The following MNS1 variants were observed in gnomAD, a reference collection of about 807,000 sequenced individuals.
The protein encoded by MNS1 is meiosis specific nuclear structural 1.
In MNS1, 63 loss-of-function variants were observed where a neutral mutation model predicts 72.0. The ratio of observed to expected loss-of-function variants is 0.87; its 90% CI spans 0.71 to 1.08. The LOEUF (loss-of-function observed/expected upper bound fraction) is 1.08, where lower values mean the gene tolerates loss of function less well. Ranked by LOEUF, MNS1 falls within the 50% of genes least tolerant of loss-of-function variation. MNS1 has a pLI of 0.00. For synonymous variants in MNS1, 188 were observed against 172.1 expected (o/e 1.09, Z -0.72); for missense variants, 604 against 562.4 (o/e 1.07, Z -0.75).
chr15:56,434,074 G>T, intron 8 of MNS1, 64 bp downstream of exon 8: 1 of 1,503,078 alleles, frequency 6.7e-7, no homozygotes, highest in African/African-American at 1.4e-5. Context: ...ATGTTTAGTG[G>T]ATGATAGATG....
At chr15:56,450,409 T>C (rs1280145520) in intron 3 of MNS1, among the ~76,000 whole-genome samples, 1 of 152,152 alleles carries the variant, frequency 6.6e-6, no homozygotes, top group Non-Finnish European at 1.5e-5. Context: ...TCTTAAACGA[T>C]AACTCCCCAT....
intron 9 of MNS1, among the ~76,000 whole-genome samples, chr15:56,430,849 C>T (rs188401962): frequency 1.3e-5 from 2 of 152,284 alleles, no homozygotes; most frequent in East Asian, 3.9e-4. Flanking sequence ...AGATTTCCTA[C>T]ACTAAAAGGG....
chr15:56,449,481 T>C lies in MNS1; in HGVS notation c.354-2538A>G, dbSNP rs911372726. Among the ~76,000 whole-genome samples the C allele has an allele frequency of 3.3e-5, 5 of 152,318 alleles. No individual in the cohort carries two copies. The Middle Eastern group carries it at 0.01, about 311-fold the overall frequency. On this transcript the variant is annotated intron_variant, in intron 3 of 9. Coordinates refer to ENST00000260453, the MANE Select transcript of MNS1 (RefSeq NM_018365.4). ...TGGTCAGGATGATTTATCTTTCTTA[T>C]ACAGCACTGGATTTCGTATTGACTA...
chr15:56,456,875 G>C (rs2050984974), intron 2 of MNS1, among the ~76,000 whole-genome samples: 1 of 151,760 alleles, frequency 6.6e-6, no homozygotes, highest in African/African-American at 2.4e-5. Context: ...TAGACATCAT[G>C]TCACTTACCA....
intron 2 of MNS1, among the ~76,000 whole-genome samples, chr15:56,462,068 G>T (rs1309407735): frequency 2.1e-5 from 3 of 141,114 alleles, no homozygotes; most frequent in Admixed American, 7.6e-5. Flanking sequence ...GCGGTGGCAA[G>T]ATCATAGCTC....
chr15:56,444,682 A>G lies in MNS1; in HGVS notation c.457-9T>C. Reference sequence around the variant, plus strand: ...ATTTCAGCATCACGTTTCTGTTATTAAAACAAAATTGATCTTTCCGTTTTC... The same window carrying G: ...ATTTCAGCATCACGTTTCTGTTATTGAAACAAAATTGATCTTTCCGTTTTC... On this transcript the variant is annotated splice_polypyrimidine_tract_variant and intron_variant, in intron 4 of 9. Transcript: ENST00000260453. 2 of 1,602,996 alleles carry G rather than the reference A, an allele frequency of 1.2e-6. No homozygotes were observed. The highest frequency in any genetic ancestry group is 2.2e-5 in the South Asian group (2 of 89,884).
At chr15:56,443,278 CT>C in intron 7 of MNS1, 151 bp downstream of exon 7, 1 of 497,536 alleles carries the variant, frequency 2.0e-6, no homozygotes, top group Non-Finnish European at 3.3e-6. Context: ...TTTTAGCCAG[CT>C]TGAAAATTTC....
chr15:56,443,091 G>C (rs2050847014), intron 7 of MNS1, among the ~76,000 whole-genome samples: 1 of 152,080 alleles, frequency 6.6e-6, no homozygotes, highest in Non-Finnish European at 1.5e-5. Context: ...AGTTGACTTT[G>C]TCTCATATTA....
chr15:56,452,593 A>C (rs1369122743), intron 3 of MNS1, among the ~76,000 whole-genome samples: 1 of 148,384 alleles, frequency 6.7e-6, no homozygotes, highest in Admixed American at 6.8e-5. Flanking sequence ...ATCTTGGCTC[A>C]CTGCAAGCTC....
At chr15:56,461,550 A>G (rs763829352) in intron 2 of MNS1, among the ~76,000 whole-genome samples, 4 of 150,428 alleles carry the variant, frequency 2.7e-5, no homozygotes, top group Non-Finnish European at 4.4e-5. Context: ...AATCTCAGCT[A>G]CTTGGGAGGC....
chr15:56,438,874 A>G (rs1171663184), intron 7 of MNS1, among the ~76,000 whole-genome samples: 1 of 152,216 alleles, frequency 6.6e-6, no homozygotes, highest in Non-Finnish European at 1.5e-5. Context: ...TATGCAGCCA[A>G]CAGACAAGAA....
At chr15:56,436,070 A>G (rs1436325849) in intron 7 of MNS1, among the ~76,000 whole-genome samples, 1 of 152,150 alleles carries the variant, frequency 6.6e-6, no homozygotes, top group Admixed American at 6.6e-5. Flanking sequence ...AACCAAGGAT[A>G]TCCAGGAATT....
chr15:56,456,123 T>C (rs1300167591), intron 3 of MNS1, among the ~76,000 whole-genome samples: 3 of 152,134 alleles, frequency 2.0e-5, no homozygotes, highest in South Asian at 2.1e-4. Flanking sequence ...TAGGAATTCA[T>C]TTTTTATAAG....
chr15:56,434,463 A>ATAT, intron 7 of MNS1, 68 bp from the exon 8 acceptor site: 2 of 1,469,252 alleles, frequency 1.4e-6, no homozygotes, highest in Non-Finnish European at 1.8e-6. Context: ...GGAAAGAGTG[A>ATAT]TAGAGTTTGG....
At chr15:56,441,614 A>G (rs1344223089) in intron 7 of MNS1, among the ~76,000 whole-genome samples, 1 of 152,246 alleles carries the variant, frequency 6.6e-6, no homozygotes, top group Admixed American at 6.5e-5. Context: ...TCAACAGAAT[A>G]AACAGACAAC....
At chr15:56,449,965 C>T (rs897042889) in intron 3 of MNS1, among the ~76,000 whole-genome samples, 17 of 152,122 alleles carry the variant, frequency 1.1e-4, no homozygotes, top group African/African-American at 3.6e-4. Flanking sequence ...ACCAAGGGGT[C>T]GTCAATTTTA....
chr15:56,455,525 A>C (rs959360867), intron 3 of MNS1, among the ~76,000 whole-genome samples: 31 of 152,194 alleles, frequency 2.0e-4, no homozygotes, highest in Non-Finnish European at 3.1e-4. Flanking sequence ...CGTCCTGCTC[A>C]ATTAAGATAA....
chr15:56,438,127 T>C (rs2050759661), intron 7 of MNS1, among the ~76,000 whole-genome samples: 1 of 152,126 alleles, frequency 6.6e-6, no homozygotes, highest in Non-Finnish European at 1.5e-5. Flanking sequence ...TTAAAATTCA[T>C]ATGGAACCAA....
intron 1 of MNS1, among the ~76,000 whole-genome samples, 168 bp from the exon 2 acceptor site, chr15:56,464,415 A>T (rs977970838): frequency 6.6e-6 from 1 of 152,250 alleles, no homozygotes; most frequent in Admixed American, 6.5e-5. Context: ...ATGTTCACAT[A>T]TCGATTAAAT....
Sources: gnomAD v4.1 joint callset for allele counts (sites outside exome capture counted in the v4.1 genomes callset) on GRCh38, gnomAD v4.1.1 for gene constraint, MANE v1.5 for transcripts, NCBI Gene and HGNC (gene_info 2026-07-23, HGNC 2026-07-21) for gene names.